The following GRHL2 variants were observed in gnomAD, a reference collection of about 807,000 sequenced individuals.
The protein encoded by GRHL2 is grainyhead-like protein 2 homolog.
In GRHL2, 21 loss-of-function variants were observed where a neutral mutation model predicts 83.8. The ratio of observed to expected loss-of-function variants is 0.25; its 90% CI spans 0.18 to 0.36. The LOEUF is 0.36. Ranked by LOEUF, GRHL2 falls within the 10% of genes least tolerant of loss-of-function variation. The pLI, the probability that GRHL2 is intolerant of heterozygous loss-of-function variation, is 1.00. For synonymous variants in GRHL2, 280 were observed against 278.9 expected, an observed-to-expected ratio of 1.00 and a Z score of -0.04; for missense variants, 623 against 781.8, an observed-to-expected ratio of 0.80 and a Z score of 2.42.
chr8:101,573,973 T>G, intron 6 of GRHL2, 149 bp downstream of exon 6: 1 of 875,612 alleles, frequency 1.1e-6, no homozygotes, highest in East Asian at 2.7e-5. Flanking sequence ...GCAAGAGCAC[T>G]TATTGGCTCG....
intron 7 of GRHL2, among the ~76,000 whole-genome samples, chr8:101,579,630 T>C (rs1364715714): frequency 6.6e-6 from 1 of 152,180 alleles, no homozygotes; most frequent in Non-Finnish European, 1.5e-5. Flanking sequence ...TCTGCTCACA[T>C]AGAGAGAGAA....
chr8:101,652,387 GTGTGTGTGTGTC>G (rs1813658625), intron 14 of GRHL2, among the ~76,000 whole-genome samples: 3 of 57,994 alleles, frequency 5.2e-5, no homozygotes, highest in African/African-American at 3.2e-4. Flanking sequence ...TGTGTGTGGT[GTGTGTGTGTGTC>G]TGGTGTGTGT....
At chr8:101,671,546 G>C (rs1814210062), downstream of GRHL2, among the ~76,000 whole-genome samples, 2 of 152,196 alleles carry the variant, frequency 1.3e-5, no homozygotes, top group Admixed American at 1.3e-4. Flanking sequence ...AGCTCGAACT[G>C]GGTGGAGCCT....
rs926104799 is a variant in GRHL2, at chr8:101,667,489, A to G, written c.*786A>G. 2.6e-5 allele frequency: 4 copies of G among 152,826 alleles called. No homozygotes were observed. The highest frequency in any genetic ancestry group is 9.7e-5 in the African/African-American group (4 of 41,426). 9.5% of individuals were successfully genotyped at this position (152,826 alleles called of 1,614,324 possible). A position where few individuals can be genotyped will look rare whatever the true frequency, so the allele number is the denominator to read the frequency against. ...GTTCAAGAGACTTGCAGGGCTAGGT[A>G]GAGGGCCTTTGGGATGTTAAGGTGA... On this transcript the variant is annotated 3_prime_UTR_variant, in exon 16 of 16. Transcript: ENST00000646743.
At chr8:101,651,391 G>C (rs560924601) in intron 14 of GRHL2, among the ~76,000 whole-genome samples, 17 of 152,342 alleles carry the variant, frequency 1.1e-4, no homozygotes, top group Non-Finnish European at 1.8e-4. Context: ...TGGGGATCAG[G>C]AACTTATATT....
intron 14 of GRHL2, among the ~76,000 whole-genome samples, chr8:101,656,942 G>A (rs79706985): frequency 6.7e-6 from 1 of 148,992 alleles, no homozygotes; most frequent in African/African-American, 2.5e-5. Context: ...TGGAGAGGCA[G>A]ACTGTGTTTC....
chr8:101,592,174 G>A (rs1054492507), intron 7 of GRHL2, among the ~76,000 whole-genome samples: 3 of 126,026 alleles, frequency 2.4e-5, no homozygotes, highest in South Asian at 2.6e-4. Context: ...GCACAATCTC[G>A]GCTCACTGCA....
At chr8:101,504,722 C>T (rs1810300904) in intron 1 of GRHL2, among the ~76,000 whole-genome samples, 1 of 151,684 alleles carries the variant, frequency 6.6e-6, no homozygotes, top group African/African-American at 2.4e-5. Flanking sequence ...CACACAGTGA[C>T]TCATCTGACT....
At chr8:101,653,237 T>C (rs572012044) in intron 14 of GRHL2, among the ~76,000 whole-genome samples, 1 of 151,778 alleles carries the variant, frequency 6.6e-6, no homozygotes, top group Admixed American at 6.5e-5. Flanking sequence ...CAAAATAATA[T>C]CATTGTGGGG....
Position 101,604,650 on chromosome 8 carries a change from C to T in GRHL2, c.1098+5499C>T, listed in dbSNP as rs80134576. 2.3e-3 allele frequency among the ~76,000 whole-genome samples: 345 copies of T among 152,146 alleles called. 7 individuals carry two copies. The East Asian group carries it at 0.057, about 25-fold the overall frequency. ...ATTTGTCCATGTCTCTATGCTTCAC[C>T]CTTCCTTGGTTTATTATACATAAGA... On this transcript the variant is annotated intron_variant, in intron 8 of 15. Coordinates refer to ENST00000646743, the MANE Select transcript of GRHL2 (RefSeq NM_024915.4).
intron 14 of GRHL2, among the ~76,000 whole-genome samples, chr8:101,652,358 GGTGT>G (rs1245393283): frequency 1.3e-5 from 1 of 74,906 alleles, no homozygotes; most frequent in Admixed American, 1.5e-4. Context: ...TGGTGTGTGT[GGTGT>G]GTGTGTGTCT....
chr8:101,594,520 T>C (rs1358481131), intron 7 of GRHL2, among the ~76,000 whole-genome samples: 1 of 152,234 alleles, frequency 6.6e-6, no homozygotes, highest in African/African-American at 2.4e-5. Flanking sequence ...GGCACATCTG[T>C]TACCATTTTA....
the GRHL2 span, among the ~76,000 whole-genome samples, chr8:101,678,415 C>G: frequency 1.3e-5 from 2 of 152,160 alleles, no homozygotes; most frequent in Admixed American, 1.3e-4. Context: ...TATCCCGCAC[C>G]TGGCTCGGAG....
At chr8:101,633,372 A>G (rs544245399) in intron 11 of GRHL2, among the ~76,000 whole-genome samples, 2 of 152,336 alleles carry the variant, frequency 1.3e-5, no homozygotes, top group East Asian at 3.9e-4. Context: ...ACAGGAGCAT[A>G]CTGACACATT....
chr8:101,529,530 A>T (rs1200119666), intron 1 of GRHL2: 1 of 223,186 alleles, frequency 4.5e-6, no homozygotes, highest in Non-Finnish European at 9.1e-6. Flanking sequence ...TTAGTTCAGC[A>T]ATCTTCCACT....
intron 6 of GRHL2, 51 bp from the exon 7 acceptor site, chr8:101,577,357 G>A: frequency 9.0e-7 from 1 of 1,114,788 alleles, no homozygotes; most frequent in Non-Finnish European, 1.4e-6. Flanking sequence ...GGAGACTGAG[G>A]CAACAGAGGC....
chr8:101,619,550 C>G lies in GRHL2; in HGVS notation c.1110C>G (p.Thr370=). The change falls in exon 9 of 16, where the codon ACC becomes ACG. Residue 370 remains threonine (T), a synonymous_variant. Coordinates refer to ENST00000646743, the MANE Select transcript of GRHL2 (RefSeq NM_024915.4). ...DVNEEAKIFI[T]VNCLSTDFSS... is the part of the protein sequence containing the mutation. ...TCTCTTTCCCTCAGATTTTCATCAC[C>G]GTGAATTGCTTGAGCACAGATTTCT... is the stretch of plus-strand genomic sequence containing the variant. 6.2e-7 allele frequency: 1 copy of G among 1,613,594 alleles called. No individual in the cohort carries two copies. Among genetic ancestry groups the G allele is most frequent in the Non-Finnish European group, 8.5e-7 (1 of 1,179,814 alleles).
intron 14 of GRHL2, among the ~76,000 whole-genome samples, chr8:101,658,569 T>C (rs1334342043): frequency 1.3e-5 from 2 of 152,182 alleles, no homozygotes; most frequent in Non-Finnish European, 2.9e-5. Flanking sequence ...GCTGCTACCC[T>C]AGATTTTATG....
chr8:101,562,437 C>A, intron 4 of GRHL2: 2 of 478,182 alleles, frequency 4.2e-6, no homozygotes, highest in South Asian at 2.2e-5. Context: ...AACGTCATGC[C>A]GTGGCCAGGG....
Sources: gnomAD v4.1 joint callset for allele counts (sites outside exome capture counted in the v4.1 genomes callset) on GRCh38, gnomAD v4.1.1 for gene constraint, MANE v1.5 for transcripts, NCBI Gene and HGNC (gene_info 2026-07-23, HGNC 2026-07-21) for gene names.